The following TXNRD1 variants were observed in gnomAD, a reference collection of about 807,000 sequenced individuals.
TXNRD1 encodes thioredoxin reductase 1.
In TXNRD1, 57 loss-of-function variants were observed where a neutral mutation model predicts 80.3. That is an observed-to-expected ratio of 0.71 (90% confidence interval 0.57 to 0.89). The LOEUF (loss-of-function observed/expected upper bound fraction) is 0.89, where lower values mean the gene tolerates loss of function less well. TXNRD1 is among the 40% of genes least tolerant of loss of function. TXNRD1 has a pLI of 0.00. For missense variants in TXNRD1, 730 were observed against 803.0 expected (o/e 0.91, Z 1.10); for synonymous variants, 291 against 285.2 (o/e 1.02, Z -0.20).
intron 4 of TXNRD1, chr12:104,310,073 C>A (rs1425029806): frequency 2.3e-5 from 35 of 1,532,502 alleles, no homozygotes; most frequent in Non-Finnish European, 3.1e-5. Context: ...TGATAGTAGG[C>A]AAGAGAGAAA....
intron 4 of TXNRD1, chr12:104,310,006 A>G: frequency 1.3e-6 from 2 of 1,536,066 alleles, no homozygotes; most frequent in Non-Finnish European, 1.7e-6. Flanking sequence ...CCCCTTCCAC[A>G]TCCCAAGAAC....
chr12:104,302,487 T>C (rs12820912), intron 4 of TXNRD1, among the ~76,000 whole-genome samples: 2 of 20,742 alleles, frequency 9.6e-5, no homozygotes, highest in South Asian at 1.6e-3. Context: ...ATTCATTCCC[T>C]TTTTTTTTTT....
In TXNRD1 at chr12:104,309,722, G is replaced by T. The variant is rs528341037; in HGVS notation, c.415-1568G>T. ...TTGAAGCATAATTGATCCTTTGATC[G>T]AATGGCTATTATTACCAAATTGTTT... On this transcript the variant is annotated intron_variant, in intron 4 of 16. Coordinates refer to ENST00000525566, the MANE Select transcript of TXNRD1 (RefSeq NM_001093771.3). 5.1e-5 allele frequency: 73 copies of T among 1,441,870 alleles called. No homozygotes were observed. In the African/African-American group the frequency reaches 7.3e-4, roughly 14 times the overall value. The allele number at this position is 1,441,870 out of a possible 1,614,324, so 89.3% of individuals were successfully genotyped here.
At chr12:104,222,610 T>C (rs78946378) in intron 1 of TXNRD1, among the ~76,000 whole-genome samples, 1 of 152,170 alleles carries the variant, frequency 6.6e-6, no homozygotes, top group African/African-American at 2.4e-5. Flanking sequence ...CCCAGCACTT[T>C]GGGAGACTGA....
chr12:104,267,680 TC>T (rs772777169), intron 3 of TXNRD1, among the ~76,000 whole-genome samples: 30,212 of 97,872 alleles, frequency 0.31, 4,356 homozygotes, highest in Non-Finnish European at 0.38. Flanking sequence ...TTTCTTTCTT[TC>T]TTTCTTTCTT....
intron 6 of TXNRD1, among the ~76,000 whole-genome samples, chr12:104,314,963 G>A (rs371116286): frequency 6.6e-6 from 1 of 151,922 alleles, no homozygotes; most frequent in South Asian, 2.1e-4. Context: ...GGCTGGTCTC[G>A]AACTCCTGAC....
intron 4 of TXNRD1, chr12:104,310,191 CCA>C: frequency 3.2e-5 from 1 of 30,898 alleles, no homozygotes; most frequent in Middle Eastern, 0.015. Flanking sequence ...TGTGAGACTC[CCA>C]GGCTGGAGTG....
At chr12:104,339,048 G>A (rs2036237950) in intron 15 of TXNRD1, 91 bp from the exon 16 acceptor site, 1 of 1,504,690 alleles carries the variant, frequency 6.6e-7, no homozygotes, top group African/African-American at 1.4e-5. Context: ...GGATTTTTAA[G>A]AAACAGACTG....
intron 3 of TXNRD1, chr12:104,265,780 G>C: frequency 6.4e-7 from 1 of 1,574,442 alleles, no homozygotes; most frequent in Non-Finnish European, 8.6e-7. Flanking sequence ...GCCCCACCGG[G>C]TCCTGCGCCG....
intron 1 of TXNRD1, among the ~76,000 whole-genome samples, chr12:104,250,649 A>C (rs895165918): frequency 3.3e-5 from 5 of 152,236 alleles, no homozygotes; most frequent in Non-Finnish European, 7.3e-5. Context: ...GGAGGCATAT[A>C]AACATTAACC....
intron 7 of TXNRD1, among the ~76,000 whole-genome samples, chr12:104,316,713 T>C (rs1005886046): frequency 1.3e-5 from 2 of 152,144 alleles, no homozygotes; most frequent in Non-Finnish European, 2.9e-5. Context: ...AGAAAGTAGA[T>C]TGCATTATTT....
intron 4 of TXNRD1, among the ~76,000 whole-genome samples, chr12:104,307,737 T>C (rs993585142): frequency 6.6e-6 from 1 of 152,198 alleles, no homozygotes; most frequent in African/African-American, 2.4e-5. Flanking sequence ...CACAGTTGAA[T>C]TGCTTTCTGT....
At chr12:104,271,482 A>T (rs2033651960) in intron 3 of TXNRD1, among the ~76,000 whole-genome samples, 1 of 152,072 alleles carries the variant, frequency 6.6e-6, no homozygotes, top group African/African-American at 2.4e-5. Flanking sequence ...TGGCCATATC[A>T]TTAAATGTTC....
At chr12:104,253,196 T>C (rs2033167188) in intron 2 of TXNRD1, among the ~76,000 whole-genome samples, 1 of 152,136 alleles carries the variant, frequency 6.6e-6, no homozygotes, top group Admixed American at 6.6e-5. Flanking sequence ...TGTGCACACG[T>C]GCACTTTTTT....
At chr12:104,271,466 C>G (rs1209884786) in intron 3 of TXNRD1, among the ~76,000 whole-genome samples, 1 of 152,070 alleles carries the variant, frequency 6.6e-6, no homozygotes. Flanking sequence ...CATGAGCCAC[C>G]ACACCTGGCC....
chr12:104,240,057 C>T (rs536432348), intron 1 of TXNRD1, among the ~76,000 whole-genome samples: 1 of 152,166 alleles, frequency 6.6e-6, no homozygotes, highest in Admixed American at 6.5e-5. Flanking sequence ...TTTTCTTGTA[C>T]TGTCTCTGTC....
chr12:104,245,088 C>T (rs188012572), intron 1 of TXNRD1, among the ~76,000 whole-genome samples: 1 of 152,208 alleles, frequency 6.6e-6, no homozygotes, highest in East Asian at 1.9e-4. Flanking sequence ...CCCCATTTAA[C>T]TAGGTGATAA....
intron 3 of TXNRD1, among the ~76,000 whole-genome samples, chr12:104,267,721 C>CTTTCTTTCTTTT (rs1555209319): frequency 7.1e-5 from 6 of 84,698 alleles, no homozygotes; most frequent in African/African-American, 2.0e-4. Context: ...TTCTTTCTTT[C>CTTTCTTTCTTTT]TCTTTCTTTC....
intron 2 of TXNRD1, among the ~76,000 whole-genome samples, chr12:104,254,560 G>A (rs1415525968): frequency 6.9e-6 from 1 of 144,350 alleles, no homozygotes; most frequent in Non-Finnish European, 1.5e-5. Flanking sequence ...GGGAGGCCAA[G>A]GCAAGAGGTT....
Sources: gnomAD v4.1 joint callset for allele counts (sites outside exome capture counted in the v4.1 genomes callset) on GRCh38, gnomAD v4.1.1 for gene constraint, MANE v1.5 for transcripts, NCBI Gene and HGNC (gene_info 2026-07-23, HGNC 2026-07-21) for gene names.